The following B3GALT1 variants were observed in gnomAD, a reference collection of about 807,000 sequenced individuals.
The protein encoded by B3GALT1 is beta-1,3-galactosyltransferase 1.
B3GALT1 carries 10 observed loss-of-function variants against 23.2 expected under a neutral mutation model. That is an observed-to-expected ratio of 0.43 (90% CI 0.27 to 0.73). The LOEUF is 0.73. Among genes scored for constraint, B3GALT1 ranks in the 30% least tolerant of loss-of-function variants. The probability of loss-of-function intolerance (pLI) is 0.21; values close to 1 mark genes in which losing one functional copy is unlikely to be tolerated. For missense variants in B3GALT1, 299 were observed against 405.4 expected (o/e 0.74, Z 2.25); for synonymous variants, 156 against 141.5 (o/e 1.10, Z -0.73).
intron 1 of B3GALT1, among the ~76,000 whole-genome samples, chr2:167,416,246 C>T (rs1347149519): frequency 6.6e-6 from 1 of 152,152 alleles, no homozygotes; most frequent in African/African-American, 2.4e-5. Flanking sequence ...GCCTGCTGCC[C>T]AGGGTTACCT....
chr2:167,556,658 A>T (rs546429742), intron 2 of B3GALT1, among the ~76,000 whole-genome samples: 1 of 152,336 alleles, frequency 6.6e-6, no homozygotes, highest in Admixed American at 6.5e-5. Flanking sequence ...TTTACCAAAG[A>T]GTTGTAGGAA....
intron 3 of B3GALT1, among the ~76,000 whole-genome samples, chr2:167,775,619 A>G (rs1688149066): frequency 6.6e-6 from 1 of 151,776 alleles, no homozygotes; most frequent in Non-Finnish European, 1.5e-5. Flanking sequence ...GGTTATGATG[A>G]TATAACATTT....
At chr2:167,350,135 C>T (rs546868002) in intron 1 of B3GALT1, among the ~76,000 whole-genome samples, 8 of 152,040 alleles carry the variant, frequency 5.3e-5, no homozygotes, top group Non-Finnish European at 1.0e-4. Context: ...AAAAGGTGAT[C>T]GTTGAAAAAG....
At chr2:167,574,460 A>G in intron 2 of B3GALT1, among the ~76,000 whole-genome samples, 1 of 151,734 alleles carries the variant, frequency 6.6e-6, no homozygotes, top group Non-Finnish European at 1.5e-5. Context: ...TATTTGGGAA[A>G]CATGAGGATC....
intron 4 of B3GALT1, among the ~76,000 whole-genome samples, chr2:167,833,307 G>A (rs998288245): frequency 1.2e-4 from 18 of 152,098 alleles, no homozygotes; most frequent in Non-Finnish European, 2.1e-4. Context: ...CCCACAGCTC[G>A]GAGGCTTAGC....
Position 167,794,673 on chromosome 2 carries a change from G to A in B3GALT1, c.-351-23999G>A, listed in dbSNP as rs573188875. On this transcript the variant is annotated intron_variant, in intron 3 of 4. Coordinates refer to ENST00000392690, the MANE Select transcript of B3GALT1 (RefSeq NM_020981.4). ...ATGTAATAGAAAGGTCAATTGCATTGTCACTGTTTTTCTAACATGCTATTT... is the reference window on the plus strand; with the variant it reads ...ATGTAATAGAAAGGTCAATTGCATTATCACTGTTTTTCTAACATGCTATTT... Among the ~76,000 whole-genome samples the A allele has an allele frequency of 2.0e-5, 3 of 152,238 alleles. No homozygotes were observed. The South Asian group carries it at 6.2e-4, about 32-fold the overall frequency.
At chr2:167,620,937 G>A (rs1196437512) in intron 2 of B3GALT1, among the ~76,000 whole-genome samples, 3 of 151,898 alleles carry the variant, frequency 2.0e-5, no homozygotes, top group Middle Eastern at 3.4e-3. Flanking sequence ...TCATCATCCA[G>A]AGAGCCTCAA....
intron 4 of B3GALT1, among the ~76,000 whole-genome samples, chr2:167,844,079 G>T (rs1420600602): frequency 6.6e-6 from 1 of 152,132 alleles, no homozygotes; most frequent in Non-Finnish European, 1.5e-5. Flanking sequence ...TTACATGATT[G>T]GAATATGGCA....
intron 1 of B3GALT1, among the ~76,000 whole-genome samples, chr2:167,353,429 G>A (rs1298326754): frequency 6.6e-6 from 1 of 151,874 alleles, no homozygotes; most frequent in Admixed American, 6.6e-5. Context: ...GAACCTTAGT[G>A]GTATTTTTTT....
At chr2:167,794,102 T>G (rs531037201) in intron 3 of B3GALT1, among the ~76,000 whole-genome samples, 1 of 152,366 alleles carries the variant, frequency 6.6e-6, no homozygotes, top group South Asian at 2.1e-4. Context: ...CATATGCACC[T>G]TGGAATTCTC....
intron 3 of B3GALT1, among the ~76,000 whole-genome samples, chr2:167,753,041 T>C (rs143440297): frequency 6.6e-6 from 1 of 152,256 alleles, no homozygotes; most frequent in Non-Finnish European, 1.5e-5. Context: ...GAAATAACCA[T>C]GAATGGGGCA....
intron 1 of B3GALT1, among the ~76,000 whole-genome samples, chr2:167,427,990 C>A (rs1698649686): frequency 6.6e-6 from 1 of 152,154 alleles, no homozygotes; most frequent in African/African-American, 2.4e-5. Context: ...CCATGCCTCT[C>A]CTAATGCAAT....
rs190970436 is a variant in B3GALT1 at position 167,719,166 on chromosome 2, A to G, written c.-352+72200A>G. On this transcript the variant is annotated intron_variant, in intron 3 of 4. Coordinates refer to ENST00000392690, the MANE Select transcript of B3GALT1 (RefSeq NM_020981.4). ...ACTACCAAAGCACACTAGCATTTCT[A>G]TTTAGAGAGTTTGAAATTATCCCAA... Among the ~76,000 whole-genome samples, 23 of 152,312 alleles carry G rather than the reference A, an allele frequency of 1.5e-4. No homozygotes were observed. The East Asian group carries it at 1.5e-3, about 10-fold the overall frequency.
At chr2:167,793,064 A>G (rs975713164) in intron 3 of B3GALT1, among the ~76,000 whole-genome samples, 3 of 152,140 alleles carry the variant, frequency 2.0e-5, no homozygotes, top group Non-Finnish European at 4.4e-5. Flanking sequence ...ACCGAAAAGG[A>G]GTTTATTATC....
In B3GALT1 at chr2:167,545,661, T is replaced by TCC. The variant is rs1683624783; in HGVS notation, c.-410+55384_-410+55385insCC. The stretch of plus-strand genomic sequence containing the variant: ...CCTCACTTCAGACACCAGCCACAAG[T>TCC]TCAAGGGTCCCCAGGGCACCCTCAC... On this transcript the variant is annotated intron_variant, in intron 2 of 4. Coordinates refer to ENST00000392690, the MANE Select transcript of B3GALT1 (RefSeq NM_020981.4). Among the ~76,000 whole-genome samples the TCC allele has an allele frequency of 2.0e-5, 3 of 152,152 alleles. No homozygotes were observed. In the South Asian group the frequency reaches 6.2e-4, roughly 32 times the overall value.
At chr2:167,496,868 C>G (rs1699790126) in intron 2 of B3GALT1, among the ~76,000 whole-genome samples, 2 of 152,112 alleles carry the variant, frequency 1.3e-5, no homozygotes, top group Non-Finnish European at 2.9e-5. Flanking sequence ...GAAGAAGGCT[C>G]TCACCAGAAC....
chr2:167,441,414 C>T (rs1353669774), intron 1 of B3GALT1, among the ~76,000 whole-genome samples: 1 of 152,072 alleles, frequency 6.6e-6, no homozygotes, highest in African/African-American at 2.4e-5. Context: ...AGCCTTTCTC[C>T]CAGTCTCTGC....
At chr2:167,421,213 A>AATC (rs1559091462) in intron 1 of B3GALT1, among the ~76,000 whole-genome samples, 2 of 152,176 alleles carry the variant, frequency 1.3e-5, no homozygotes, top group Non-Finnish European at 2.9e-5. Flanking sequence ...TTAAACTTAG[A>AATC]TAAAATTAGG....
At chr2:167,675,438 G>A (rs911743453) in intron 3 of B3GALT1, among the ~76,000 whole-genome samples, 1 of 152,140 alleles carries the variant, frequency 6.6e-6, no homozygotes, top group Non-Finnish European at 1.5e-5. Flanking sequence ...GCAATCTAAA[G>A]GAAAAATATA....
Sources: gnomAD v4.1 joint callset for allele counts (sites outside exome capture counted in the v4.1 genomes callset) on GRCh38, gnomAD v4.1.1 for gene constraint, MANE v1.5 for transcripts, NCBI Gene and HGNC (gene_info 2026-07-23, HGNC 2026-07-21) for gene names.